Variants in STX5 observed in about 807,000 individuals in gnomAD.
The protein encoded by STX5 is syntaxin-5.
In STX5, 15 loss-of-function variants were observed where a neutral mutation model predicts 42.9. The observed-to-expected ratio is 0.35, with a 90% CI of 0.23 to 0.54. STX5 has a LOEUF of 0.54. Among genes scored for constraint, STX5 ranks in the 20% least tolerant of loss-of-function variants. The probability of loss-of-function intolerance (pLI) is 0.91; values close to 1 mark genes in which losing one functional copy is unlikely to be tolerated. For missense variants in STX5, 430 were observed against 455.0 expected (o/e 0.95, Z 0.50); for synonymous variants, 184 against 173.2 (o/e 1.06, Z -0.49).
At chr11:62,831,743 G>C (rs1031995843) in intron 1 of STX5, among the ~76,000 whole-genome samples, 1 of 146,210 alleles carries the variant, frequency 6.8e-6, no homozygotes, top group African/African-American at 2.6e-5. Context: ...CCGCCTTCTG[G>C]AAGACTTCAA....
At chr11:62,815,780 G>A (rs751836757) in intron 10 of STX5, among the ~76,000 whole-genome samples, 8 of 152,114 alleles carry the variant, frequency 5.3e-5, no homozygotes, top group South Asian at 2.1e-4. Flanking sequence ...CAGGTGATCC[G>A]CCCGCTTTGG....
chr11:62,812,995 C>G (rs1324354597), intron 10 of STX5, among the ~76,000 whole-genome samples: 2 of 151,398 alleles, frequency 1.3e-5, no homozygotes, highest in Non-Finnish European at 2.9e-5. Flanking sequence ...GCCTGTAGTC[C>G]CAGCTACTTG....
intron 5 of STX5, 141 bp from the exon 6 acceptor site, chr11:62,825,680 T>A: frequency 1.3e-6 from 1 of 774,616 alleles, no homozygotes; most frequent in South Asian, 1.6e-5. Context: ...TCAGACCAGA[T>A]GGGCCTGCTA....
At chr11:62,822,947 C>G (rs1393582633) in intron 10 of STX5, among the ~76,000 whole-genome samples, 1 of 152,104 alleles carries the variant, frequency 6.6e-6, no homozygotes, top group Non-Finnish European at 1.5e-5. Context: ...TCCAGTACAC[C>G]CTGTACTTCT....
chr11:62,821,030 C>T (rs2084734968), intron 10 of STX5, among the ~76,000 whole-genome samples: 1 of 151,986 alleles, frequency 6.6e-6, no homozygotes, highest in South Asian at 2.1e-4. Context: ...TCAAAATAGG[C>T]CAGGTGCGGT....
At chr11:62,824,324 C>A in intron 9 of STX5, 37 bp from the exon 10 acceptor site, 1 of 1,614,034 alleles carries the variant, frequency 6.2e-7, no homozygotes. Context: ...GCACCAACAG[C>A]TTCTTCAGGG....
chr11:62,810,611 G>A (rs1351999851), intron 10 of STX5, among the ~76,000 whole-genome samples: 1 of 152,122 alleles, frequency 6.6e-6, no homozygotes, highest in Admixed American at 6.6e-5. Context: ...TCACACCTTA[G>A]GAAAAATAAG....
Position 62,807,309 on chromosome 11 carries a change from G to T in STX5, c.*160C>A. The T allele has an allele frequency of 1.7e-6, 2 of 1,186,520 alleles. No individual in the cohort carries two copies. The highest frequency in any genetic ancestry group is 2.3e-6 in the Non-Finnish European group (2 of 871,086). The allele number at this position is 1,186,520 out of a possible 1,614,324, so 73.5% of individuals were successfully genotyped here. A position where few individuals can be genotyped will look rare whatever the true frequency, so the allele number is the denominator to read the frequency against. ...GTGGGGGGAGGACAGGGTGGCCAGAGGCAAGGGGTGGGGGATCAGGGGCAG... is the reference window on the plus strand; with the variant it reads ...GTGGGGGGAGGACAGGGTGGCCAGATGCAAGGGGTGGGGGATCAGGGGCAG... On this transcript the variant is annotated 3_prime_UTR_variant, in exon 11 of 11. Transcript: ENST00000294179.
intron 5 of STX5, among the ~76,000 whole-genome samples, chr11:62,826,948 G>A (rs980269819): frequency 1.3e-5 from 2 of 151,968 alleles, no homozygotes; most frequent in South Asian, 2.1e-4. Context: ...CCACTCAGGA[G>A]GCTCAGGCTG....
At chr11:62,824,645 A>T in intron 8 of STX5, 80 bp from the exon 9 acceptor site, 1 of 1,358,036 alleles carries the variant, frequency 7.4e-7, no homozygotes, top group Non-Finnish European at 1.0e-6. Flanking sequence ...TTTGAATCCC[A>T]GCTCTAGCAC....
At chr11:62,819,356 A>AT (rs2084713592) in intron 10 of STX5, among the ~76,000 whole-genome samples, 1 of 148,380 alleles carries the variant, frequency 6.7e-6, no homozygotes, top group Non-Finnish European at 1.5e-5. Context: ...GATCTCCACT[A>AT]CAAAAAAAAA....
chr11:62,807,462 A>T lies in STX5; in HGVS notation c.*7T>A, dbSNP rs1565205066. 1 of 1,613,278 alleles carries T rather than the reference A, an allele frequency of 6.2e-7. No individual in the cohort carries two copies. Among genetic ancestry groups the T allele is most frequent in the Non-Finnish European group, 8.5e-7 (1 of 1,179,734 alleles). ...ACCCCAACAGAGTGCCTCAGAGTAG[A>T]GAGGGTTCAAGCAAGGAAGACCACA... On this transcript the variant is annotated 3_prime_UTR_variant, in exon 11 of 11. Coordinates refer to ENST00000294179, the MANE Select transcript of STX5 (RefSeq NM_003164.5).
chr11:62,812,420 C>CT (rs1213854299), intron 10 of STX5, among the ~76,000 whole-genome samples: 3 of 150,772 alleles, frequency 2.0e-5, no homozygotes, highest in Admixed American at 1.3e-4. Context: ...CTATAATATT[C>CT]TTTTTTTTGG....
chr11:62,807,708 GGA>G (rs770354024), intron 10 of STX5, 80 bp from the exon 11 acceptor site: 1 of 1,570,476 alleles, frequency 6.4e-7, no homozygotes, highest in South Asian at 1.2e-5. Flanking sequence ...TTATTGACAT[GGA>G]AAGATGGTCA....
chr11:62,817,669 T>C (rs911435792), intron 10 of STX5, among the ~76,000 whole-genome samples: 2 of 152,094 alleles, frequency 1.3e-5, no homozygotes, highest in African/African-American at 2.4e-5. Flanking sequence ...GCAGCTATTA[T>C]AACTGAGGGA....
intron 1 of STX5, 37 bp from the exon 2 acceptor site, chr11:62,831,299 T>C: frequency 6.9e-7 from 1 of 1,447,052 alleles, no homozygotes; most frequent in Non-Finnish European, 9.5e-7. Flanking sequence ...CCCAGGCAAC[T>C]TCTTTACCCA....
chr11:62,825,090 C>G lies in STX5; in HGVS notation c.625G>C (p.Glu209Gln), dbSNP rs1233630377. ...ENLKQQRSRREQFSRAPVSAL... is the reference protein window; with the variant it reads ...ENLKQQRSRRQQFSRAPVSAL... ...GACACAGGTGCCCGGGAGAACTGCT[C>G]TCTCCGGCTCCTCTGCTGCTTCAGG... is the stretch of plus-strand genomic sequence containing the variant. The change falls in exon 8 of 11, where the codon GAG becomes CAG. Residue 209 changes from glutamate (E) to glutamine (Q), a missense_variant. Transcript: ENST00000294179. 1 of 1,613,668 alleles carries G rather than the reference C, an allele frequency of 6.2e-7. No homozygotes were observed. Among genetic ancestry groups the G allele is most frequent in the South Asian group, 1.1e-5 (1 of 91,086 alleles).
intron 10 of STX5, among the ~76,000 whole-genome samples, chr11:62,808,594 A>G (rs1428238788): frequency 2.0e-5 from 3 of 152,182 alleles, no homozygotes; most frequent in Non-Finnish European, 4.4e-5. Context: ...TACTAAAAAA[A>G]TAATAATAAA....
chr11:62,831,179 T>A lies in STX5; in HGVS notation c.65A>T (p.Lys22Met). Residue 22 changes from lysine (K) to methionine (M), a missense_variant, in exon 2 of 11, where the codon AAG becomes ATG. Coordinates refer to ENST00000294179, the MANE Select transcript of STX5 (RefSeq NM_003164.5). The stretch of plus-strand genomic sequence containing the variant: ...AGTTGCAGGGGACAGGACCTGTGTC[T>A]TTGAGAGACCCAGGTAGACACCCTG... The part of the protein sequence containing the change: ...TDQGVYLGLS[K>M]TQVLSPATAG... The A allele has an allele frequency of 4.5e-6, 7 of 1,565,128 alleles. No homozygotes were observed. The highest frequency in any genetic ancestry group is 5.2e-6 in the Non-Finnish European group (6 of 1,154,096).
Sources: allele counts gnomAD v4.1 joint callset (sites outside exome capture counted in the v4.1 genomes callset), GRCh38; gene constraint gnomAD v4.1.1; transcripts MANE v1.5; gene names NCBI Gene and HGNC (gene_info 2026-07-23, HGNC 2026-07-21).